FOXN3: variants seen among roughly 807,000 people sequenced by gnomAD.
FOXN3 encodes forkhead box protein N3.
Under a neutral mutation model 38.4 loss-of-function variants are expected in FOXN3, and 7 were observed. That is an observed-to-expected ratio of 0.18 (90% CI 0.10 to 0.34). The LOEUF (loss-of-function observed/expected upper bound fraction) is 0.34. Ranked by LOEUF, FOXN3 falls within the 10% of genes least tolerant of loss-of-function variation. FOXN3 has a pLI of 1.00. For synonymous variants in FOXN3, 230 were observed against 242.2 expected (o/e 0.95, Z 0.47); for missense variants, 456 against 613.4 (o/e 0.74, Z 2.71).
intron 1 of FOXN3, among the ~76,000 whole-genome samples, chr14:89,472,595 C>A (rs1176942881): frequency 6.6e-6 from 1 of 151,740 alleles, no homozygotes; most frequent in Non-Finnish European, 1.5e-5. Flanking sequence ...GTGGCGGACG[C>A]CTGCAGTCCC....
chr14:89,437,808 G>T (rs2018796), intron 1 of FOXN3, among the ~76,000 whole-genome samples: 7,776 of 152,228 alleles, frequency 0.051, 276 homozygotes, highest in Middle Eastern at 0.11. Flanking sequence ...CATTACTGTA[G>T]GAACCCAACC....
At chr14:89,533,358 T>A (rs893027504) in intron 1 of FOXN3, among the ~76,000 whole-genome samples, 2 of 152,106 alleles carry the variant, frequency 1.3e-5, no homozygotes, top group African/African-American at 4.8e-5. Flanking sequence ...CACCTGGAGG[T>A]GCACTGTCAG....
chr14:89,581,143 A>G (rs1347477306), intron 1 of FOXN3, among the ~76,000 whole-genome samples: 2 of 151,874 alleles, frequency 1.3e-5, no homozygotes, highest in Non-Finnish European at 1.5e-5. Context: ...TATCATGCCA[A>G]TGTACTCCAG....
rs1320602326 is a variant in FOXN3, at chr14:89,156,232, T to C, written c.*6182A>G. 1.3e-5 allele frequency: 2 copies of C among 152,624 alleles called. No individual in the cohort carries two copies. The highest frequency in any genetic ancestry group is 2.9e-5 in the Non-Finnish European group (2 of 68,028). The allele number at this position is 152,624 out of a possible 1,614,324, so 9.5% of individuals were successfully genotyped here. ...TTTATTGCAACTGGAAGACAATACA[T>C]CACAGAAACTTTATGGTAGGTCTGG... is the stretch of plus-strand genomic sequence containing the variant. On this transcript the variant is annotated 3_prime_UTR_variant, in exon 6 of 6. Transcript: ENST00000557258.
At chr14:89,451,446 T>C (rs908589332) in intron 1 of FOXN3, among the ~76,000 whole-genome samples, 1 of 152,192 alleles carries the variant, frequency 6.6e-6, no homozygotes, top group Non-Finnish European at 1.5e-5. Flanking sequence ...TCGGTCAACA[T>C]TTCTGGAAAT....
Position 89,573,559 on chromosome 14 carries a change from A to G in FOXN3, c.-15+45469T>C, listed in dbSNP as rs1256365664. On this transcript the variant is annotated intron_variant, in intron 1 of 6. Transcript: ENST00000345097. ...AAGACCAGCATGCTTTTTGCTTTCC[A>G]AATCCCGTTAAGGAAGAGAATGGCC... Among the ~76,000 whole-genome samples the G allele has an allele frequency of 2.0e-5, 3 of 152,322 alleles. No individual in the cohort carries two copies. In the East Asian group the frequency reaches 5.8e-4, roughly 29 times the overall value.
At chr14:89,517,877 T>A (rs1894237496) in intron 1 of FOXN3, among the ~76,000 whole-genome samples, 1 of 152,200 alleles carries the variant, frequency 6.6e-6, no homozygotes, top group Non-Finnish European at 1.5e-5. Flanking sequence ...TGTATTGGCC[T>A]GTAAGTTGCT....
intron 2 of FOXN3, among the ~76,000 whole-genome samples, chr14:89,394,908 A>G (rs902158383): frequency 2.0e-5 from 3 of 152,228 alleles, no homozygotes; most frequent in African/African-American, 7.2e-5. Context: ...GATCTCCTAG[A>G]ATTGTAATAA....
At chr14:89,417,761 C>A, upstream of FOXN3, 1 of 455,648 alleles carries the variant, frequency 2.2e-6, no homozygotes, top group Non-Finnish European at 4.4e-6. Context: ...CAGGGCCTTC[C>A]GAGCCCTCTC....
At chr14:89,337,636 C>CTTT (rs5810454) in intron 3 of FOXN3, among the ~76,000 whole-genome samples, 97,067 of 144,736 alleles carry the variant, frequency 0.67, 35,418 homozygotes, top group East Asian at 0.81. Flanking sequence ...CTTTTCTTTT[C>CTTT]TTTTTTTTTT....
At chr14:89,400,332 C>G (rs1021849974) in intron 2 of FOXN3, among the ~76,000 whole-genome samples, 1 of 152,140 alleles carries the variant, frequency 6.6e-6, no homozygotes, top group African/African-American at 2.4e-5. Context: ...ATCCAGAAAT[C>G]TCTTTATTTT....
In FOXN3 at chr14:89,161,418, T is replaced by C. The variant is rs960032801; in HGVS notation, c.*996A>G. 3 of 151,892 alleles carry C rather than the reference T, an allele frequency of 2.0e-5. No homozygotes were observed. The highest frequency in any genetic ancestry group is 7.3e-5 in the African/African-American group (3 of 41,358). 9.4% of individuals were successfully genotyped at this position (151,892 alleles called of 1,614,324 possible). A position where few individuals can be genotyped will look rare whatever the true frequency, so the allele number is the denominator to read the frequency against. ...TTTTTTTCACTTGGATCAAATAGTT[T>C]TGATAGACAGAAAAAGATCTGTACC... On this transcript the variant is annotated 3_prime_UTR_variant, in exon 6 of 6. Transcript: ENST00000557258.
At chr14:89,206,109 G>T (rs978961266) in intron 4 of FOXN3, among the ~76,000 whole-genome samples, 2 of 152,202 alleles carry the variant, frequency 1.3e-5, no homozygotes, top group African/African-American at 4.8e-5. Context: ...CCAGCCTCCA[G>T]AACTGTGAGA....
At chr14:89,470,104 G>A (rs533502581) in intron 1 of FOXN3, among the ~76,000 whole-genome samples, 53 of 152,264 alleles carry the variant, frequency 3.5e-4, no homozygotes, top group African/African-American at 4.6e-4. Flanking sequence ...TTTCATAAGC[G>A]TCTATTTATA....
chr14:89,242,662 A>G (rs1399555433), intron 4 of FOXN3, among the ~76,000 whole-genome samples: 1 of 152,136 alleles, frequency 6.6e-6, no homozygotes, highest in Non-Finnish European at 1.5e-5. Context: ...CAACAATTAC[A>G]CTGGGAAAAT....
At chr14:89,210,142 T>G (rs893919075) in intron 4 of FOXN3, among the ~76,000 whole-genome samples, 1 of 152,226 alleles carries the variant, frequency 6.6e-6, no homozygotes, top group Non-Finnish European at 1.5e-5. Context: ...TGTTCAGTTG[T>G]AATCCCCAGT....
Position 89,605,884 on chromosome 14 carries a change from G to A in FOXN3, c.-15+13144C>T, listed in dbSNP as rs76073689. On this transcript the variant is annotated intron_variant, in intron 1 of 6. Transcript: ENST00000345097. ...AATACCAGCACTTTGAGAGACTAAC[G>A]CAGGAGGATTCCTTGAGCCCAGGAG... 5.4e-3 allele frequency among the ~76,000 whole-genome samples: 825 copies of A among 152,156 alleles called. 5 individuals carry two copies. Among genetic ancestry groups the A allele is most frequent in the African/African-American group, 0.019 (801 of 41,508 alleles).
intron 3 of FOXN3, among the ~76,000 whole-genome samples, chr14:89,297,189 T>C (rs1887064669): frequency 6.6e-6 from 1 of 152,148 alleles, no homozygotes; most frequent in African/African-American, 2.4e-5. Context: ...CCCAAACTAA[T>C]GCCACGGAGG....
At chr14:89,263,011 T>C (rs896225491) in intron 4 of FOXN3, among the ~76,000 whole-genome samples, 5 of 152,242 alleles carry the variant, frequency 3.3e-5, no homozygotes, top group Non-Finnish European at 7.3e-5. Flanking sequence ...CTGGAAATTA[T>C]AGATCGCAGT....
Sources: allele counts gnomAD v4.1 joint callset (sites outside exome capture counted in the v4.1 genomes callset), GRCh38; gene constraint gnomAD v4.1.1; transcripts MANE v1.5; gene names NCBI Gene and HGNC (gene_info 2026-07-23, HGNC 2026-07-21).